Variants in FNDC3B observed in about 807,000 individuals in gnomAD.
The protein encoded by FNDC3B is fibronectin type III domain containing 3B.
FNDC3B carries 12 observed loss-of-function variants against 151.5 expected under a neutral mutation model. That is an observed-to-expected ratio of 0.08 (90% CI 0.05 to 0.13). The LOEUF (loss-of-function observed/expected upper bound fraction) is 0.13, where lower values mean the gene tolerates loss of function less well. FNDC3B is among the 10% of genes least tolerant of loss of function. The probability of loss-of-function intolerance (pLI) is 1.00; values close to 1 mark genes in which losing one functional copy is unlikely to be tolerated. For synonymous variants in FNDC3B, 528 were observed against 549.0 expected (o/e 0.96, Z 0.54); for missense variants, 1,214 against 1,505.3 (o/e 0.81, Z 3.20).
At chr3:172,322,466 C>T (rs946513145) in intron 11 of FNDC3B, among the ~76,000 whole-genome samples, 1 of 152,200 alleles carries the variant, frequency 6.6e-6, no homozygotes, top group African/African-American at 2.4e-5. Context: ...GGGAAAGGGA[C>T]ATAGACTTAG....
intron 3 of FNDC3B, among the ~76,000 whole-genome samples, chr3:172,206,346 G>T (rs1725421266): frequency 6.6e-6 from 1 of 152,064 alleles, no homozygotes; most frequent in Admixed American, 6.5e-5. Context: ...TTATTTCTTG[G>T]GATCCTATCT....
intron 3 of FNDC3B, among the ~76,000 whole-genome samples, chr3:172,172,867 T>C (rs1000292818): frequency 6.6e-6 from 1 of 152,210 alleles, no homozygotes; most frequent in African/African-American, 2.4e-5. Context: ...ATTTCCTCAA[T>C]GAAAGAATAA....
At chr3:172,197,698 T>A (rs1200269962) in intron 3 of FNDC3B, among the ~76,000 whole-genome samples, 1 of 152,244 alleles carries the variant, frequency 6.6e-6, no homozygotes. Flanking sequence ...TCAGCTGTTT[T>A]GTAGAATGTC....
intron 2 of FNDC3B, among the ~76,000 whole-genome samples, chr3:172,116,964 T>A (rs533354580): frequency 2.6e-5 from 4 of 152,336 alleles, no homozygotes; most frequent in African/African-American, 9.6e-5. Context: ...TCTACCACAT[T>A]TTATTAATCC....
intron 15 of FNDC3B, 56 bp from the exon 16 acceptor site, chr3:172,337,274 T>C: frequency 8.2e-7 from 1 of 1,217,354 alleles, no homozygotes; most frequent in Non-Finnish European, 1.2e-6. Flanking sequence ...TGATGATGTT[T>C]ACCAATAAAA....
At chr3:172,285,326 G>C (rs1729952689) in intron 6 of FNDC3B, among the ~76,000 whole-genome samples, 1 of 152,156 alleles carries the variant, frequency 6.6e-6, no homozygotes, top group Admixed American at 6.5e-5. Flanking sequence ...CCACTGACTG[G>C]TCTTTCTGTT....
chr3:172,270,318 C>T (rs936207706), intron 6 of FNDC3B, among the ~76,000 whole-genome samples: 4 of 152,136 alleles, frequency 2.6e-5, no homozygotes, highest in South Asian at 2.1e-4. Flanking sequence ...TTATTAAAAC[C>T]CCCATGTTTT....
At chr3:172,095,832 G>A (rs533213368) in intron 1 of FNDC3B, among the ~76,000 whole-genome samples, 1 of 152,078 alleles carries the variant, frequency 6.6e-6, no homozygotes, top group East Asian at 1.9e-4. Flanking sequence ...GCCTAGTTTT[G>A]CACAGAGTAT....
At chr3:172,052,582 A>G (rs1716716545) in intron 1 of FNDC3B, among the ~76,000 whole-genome samples, 1 of 152,140 alleles carries the variant, frequency 6.6e-6, no homozygotes, top group East Asian at 1.9e-4. Flanking sequence ...GACCTCAGCT[A>G]TTTGCAGGGG....
chr3:172,124,947 G>A lies in FNDC3B; in HGVS notation c.112-8524G>A, dbSNP rs1444825312. Among the ~76,000 whole-genome samples, 9 of 152,152 alleles carry A rather than the reference G, an allele frequency of 5.9e-5. No homozygotes were observed. In the South Asian group the frequency reaches 8.3e-4, roughly 14 times the overall value. Reference sequence around the variant, plus strand: ...CATCTTTATAGACAAAACCCGAGGCGAGAAAGGTTGAGTATTTGCAACTGG... The same window carrying A: ...CATCTTTATAGACAAAACCCGAGGCAAGAAAGGTTGAGTATTTGCAACTGG... On this transcript the variant is annotated intron_variant, in intron 2 of 25. Coordinates refer to ENST00000415807, the MANE Select transcript of FNDC3B (RefSeq NM_022763.4).
chr3:172,340,091 C>T (rs1359684923), intron 16 of FNDC3B, among the ~76,000 whole-genome samples: 1 of 152,188 alleles, frequency 6.6e-6, no homozygotes, highest in Non-Finnish European at 1.5e-5. Context: ...AGTGAAGAGC[C>T]TCCCAGTGGC....
At chr3:172,046,404 G>C (rs1481023807) in intron 1 of FNDC3B, among the ~76,000 whole-genome samples, 1 of 151,688 alleles carries the variant, frequency 6.6e-6, no homozygotes, top group African/African-American at 2.4e-5. Flanking sequence ...AGCTTACTAT[G>C]GCTTCGAACT....
chr3:172,295,054 A>G (rs1280218589), intron 7 of FNDC3B, among the ~76,000 whole-genome samples: 2 of 152,238 alleles, frequency 1.3e-5, no homozygotes, highest in South Asian at 2.1e-4. Context: ...CACATAATGT[A>G]GAAATCATAC....
chr3:172,043,379 T>G (rs62283760), intron 1 of FNDC3B, among the ~76,000 whole-genome samples: 2 of 152,168 alleles, frequency 1.3e-5, no homozygotes, highest in Non-Finnish European at 1.5e-5. Flanking sequence ...TCTCGCTCTG[T>G]TACCCCGGCT....
chr3:172,104,260 G>T (rs913457280), intron 1 of FNDC3B, among the ~76,000 whole-genome samples: 1 of 152,080 alleles, frequency 6.6e-6, no homozygotes, highest in Non-Finnish European at 1.5e-5. Flanking sequence ...GATCAGAAAG[G>T]AACCTTAAGG....
chr3:172,189,837 GTCAT>G (rs1724414820), intron 3 of FNDC3B, among the ~76,000 whole-genome samples: 1 of 140,916 alleles, frequency 7.1e-6, no homozygotes, highest in South Asian at 2.2e-4. Context: ...AAAAAATCAT[GTCAT>G]TCAGTCATGT....
At chr3:172,101,053 C>T (rs1719355466) in intron 1 of FNDC3B, among the ~76,000 whole-genome samples, 1 of 152,094 alleles carries the variant, frequency 6.6e-6, no homozygotes, top group Admixed American at 6.5e-5. Context: ...TTCATAACAT[C>T]GGTTCAGTTA....
At chr3:172,197,350 G>A (rs920608500) in intron 3 of FNDC3B, among the ~76,000 whole-genome samples, 1 of 152,142 alleles carries the variant, frequency 6.6e-6, no homozygotes. Flanking sequence ...CAGAGAACAT[G>A]TTTTTTCTGA....
chr3:172,331,426 T>C (rs879864275), intron 13 of FNDC3B, among the ~76,000 whole-genome samples: 2 of 152,190 alleles, frequency 1.3e-5, no homozygotes, highest in Non-Finnish European at 2.9e-5. Flanking sequence ...GGCGCGATGT[T>C]GGCTCACCTC....
Sources: gnomAD v4.1 joint callset for allele counts (sites outside exome capture counted in the v4.1 genomes callset) on GRCh38, gnomAD v4.1.1 for gene constraint, MANE v1.5 for transcripts, NCBI Gene and HGNC (gene_info 2026-07-23, HGNC 2026-07-21) for gene names.